Variants in SUGCT observed in about 807,000 individuals in gnomAD.
SUGCT encodes the protein succinyl-CoA:glutarate CoA-transferase.
SUGCT carries 41 observed loss-of-function variants against 55.0 expected under a neutral mutation model. That is an observed-to-expected ratio of 0.74 (90% CI 0.58 to 0.97). The LOEUF is 0.97. Ranked by LOEUF, SUGCT falls within the 50% of genes least tolerant of loss-of-function variation. The pLI is 0.00. For synonymous variants in SUGCT, 187 were observed against 200.4 expected (o/e 0.93, Z 0.56); for missense variants, 568 against 547.8 (o/e 1.04, Z -0.37).
rs183397209 is a variant in SUGCT, at chr7:40,348,290, C to T, written c.816+31435C>T. On this transcript the variant is annotated intron_variant, in intron 9 of 13. Transcript: ENST00000335693. ...CAGGTGGTTAGACCTGGCACTTGTC[C>T]GGCAGGATATTTCTCATGGCCGGAG... is the stretch of plus-strand genomic sequence containing the variant. Among the ~76,000 whole-genome samples the T allele has an allele frequency of 1.5e-3, 224 of 152,252 alleles. 1 individual carries two copies. The highest frequency in any genetic ancestry group is 5.7e-4 in the Non-Finnish European group (39 of 68,014).
chr7:40,450,231 T>TA (rs1789113557), intron 10 of SUGCT, among the ~76,000 whole-genome samples: 1 of 152,074 alleles, frequency 6.6e-6, no homozygotes, highest in Non-Finnish European at 1.5e-5. Flanking sequence ...CCCGGCCTAC[T>TA]AGACTTTTTT....
chr7:40,250,103 G>T (rs1339361301), intron 7 of SUGCT, among the ~76,000 whole-genome samples: 1 of 151,514 alleles, frequency 6.6e-6, no homozygotes, highest in Non-Finnish European at 1.5e-5. Flanking sequence ...GCTTTTAAAG[G>T]TAATTATTCT....
At chr7:40,963,753 C>CAGG in the SUGCT span, among the ~76,000 whole-genome samples, 22 of 152,020 alleles carry the variant, frequency 1.4e-4, no homozygotes, top group East Asian at 3.9e-4. Flanking sequence ...TTGTTTCTGG[C>CAGG]AGATGTGCCT....
the SUGCT span, among the ~76,000 whole-genome samples, chr7:40,896,002 G>A: frequency 1.2e-4 from 19 of 152,256 alleles, no homozygotes; most frequent in African/African-American, 4.6e-4. Flanking sequence ...CCTAGCCAGA[G>A]CAATTAGATT....
chr7:40,296,238 C>CT (rs1348463179), intron 8 of SUGCT, among the ~76,000 whole-genome samples: 4 of 152,178 alleles, frequency 2.6e-5, no homozygotes, highest in African/African-American at 4.8e-5. Context: ...TGCTAGTTTC[C>CT]TTTTTTTATG....
intron 12 of SUGCT, among the ~76,000 whole-genome samples, chr7:40,644,583 A>G (rs1485870267): frequency 1.3e-5 from 2 of 152,198 alleles, no homozygotes; most frequent in East Asian, 3.9e-4. Flanking sequence ...AGCCCAGGTT[A>G]ATGAGCAGTC....
At chr7:40,286,415 A>G (rs1793344605) in intron 8 of SUGCT, among the ~76,000 whole-genome samples, 1 of 152,116 alleles carries the variant, frequency 6.6e-6, no homozygotes, top group Admixed American at 6.6e-5. Flanking sequence ...GCCCACATGG[A>G]TAATCCAGGA....
At chr7:40,599,826 T>C (rs1584099785) in intron 12 of SUGCT, among the ~76,000 whole-genome samples, 1 of 152,178 alleles carries the variant, frequency 6.6e-6, no homozygotes. Context: ...GGAAGTCAAG[T>C]AGGGGTAGTG....
In SUGCT at chr7:40,350,480, A is replaced by AT. The variant is rs1180685887; in HGVS notation, c.816+33639dup. ...AGGTGACCACCGCCACACCTGGCTA[A>AT]TTTTTTTTTTTTTTCTTCTTTTTTT... is the stretch of plus-strand genomic sequence containing the variant. On this transcript the variant is annotated intron_variant, in intron 9 of 13. Transcript: ENST00000335693. Among the ~76,000 whole-genome samples the AT allele has an allele frequency of 2.0e-3, 284 of 145,256 alleles. 1 individual carries two copies. Among genetic ancestry groups the AT allele is most frequent in the Non-Finnish European group, 3.2e-3 (209 of 65,846 alleles).
intron 7 of SUGCT, among the ~76,000 whole-genome samples, chr7:40,264,954 C>G (rs1014563865): frequency 1.3e-5 from 2 of 152,122 alleles, no homozygotes; most frequent in African/African-American, 4.8e-5. Context: ...TTTTATACAC[C>G]TTTTCTTACT....
chr7:40,776,245 C>T (rs368228395), intron 13 of SUGCT, among the ~76,000 whole-genome samples: 8 of 152,302 alleles, frequency 5.3e-5, no homozygotes, highest in South Asian at 2.1e-4. Flanking sequence ...CTCTTTCCCA[C>T]GCTGCCTCAG....
chr7:40,190,014 C>T (rs963590463), intron 5 of SUGCT, among the ~76,000 whole-genome samples: 6 of 152,152 alleles, frequency 3.9e-5, no homozygotes, highest in African/African-American at 9.7e-5. Context: ...TGGGTCACAT[C>T]ACTGGAAAGT....
At chr7:40,165,826 C>T (rs1049553487) in intron 1 of SUGCT, among the ~76,000 whole-genome samples, 4 of 152,040 alleles carry the variant, frequency 2.6e-5, no homozygotes, top group Non-Finnish European at 4.4e-5. Context: ...ATAATCATAA[C>T]AATTGCAGGC....
intron 13 of SUGCT, among the ~76,000 whole-genome samples, chr7:40,836,805 G>C (rs1402387451): frequency 1.3e-5 from 2 of 151,998 alleles, no homozygotes; most frequent in Non-Finnish European, 2.9e-5. Context: ...TTCATTGCTG[G>C]ATAGTATTCT....
chr7:40,963,226 G>A, the SUGCT span, among the ~76,000 whole-genome samples: 4 of 151,824 alleles, frequency 2.6e-5, no homozygotes, highest in Admixed American at 1.3e-4. Context: ...GATACTTTTG[G>A]TGAATGTAAA....
At chr7:40,293,947 CT>C (rs1191250011) in intron 8 of SUGCT, among the ~76,000 whole-genome samples, 19 of 148,026 alleles carry the variant, frequency 1.3e-4, no homozygotes, top group African/African-American at 2.0e-4. Context: ...TTAGAAAGAG[CT>C]TTTTTTTTTG....
intron 12 of SUGCT, among the ~76,000 whole-genome samples, chr7:40,592,167 T>G (rs1024883452): frequency 6.6e-6 from 1 of 152,218 alleles, no homozygotes; most frequent in Non-Finnish European, 1.5e-5. Context: ...AAATGTTGGC[T>G]TAGATTCTCT....
intron 12 of SUGCT, among the ~76,000 whole-genome samples, chr7:40,552,011 C>T (rs1315864112): frequency 1.3e-5 from 2 of 152,134 alleles, no homozygotes; most frequent in African/African-American, 2.4e-5. Flanking sequence ...TTAAGGATCC[C>T]GATTTTCTAG....
At chr7:40,538,631 T>A (rs1457972871) in intron 12 of SUGCT, 1 of 152,212 alleles carries the variant, frequency 6.6e-6, no homozygotes, top group East Asian at 1.9e-4. Context: ...AAGGTATATT[T>A]AGCTTTGTAG....
Sources: allele counts gnomAD v4.1 joint callset (sites outside exome capture counted in the v4.1 genomes callset), GRCh38; gene constraint gnomAD v4.1.1; transcripts MANE v1.5; gene names NCBI Gene and HGNC (gene_info 2026-07-23, HGNC 2026-07-21).